The following BFAR variants were observed in gnomAD, a reference collection of about 807,000 sequenced individuals.
The protein encoded by BFAR is bifunctional apoptosis regulator, also known as RING finger protein 47.
A neutral mutation model predicts 54.4 loss-of-function variants in BFAR; 52 were observed. That is an observed-to-expected ratio of 0.96 (90% CI 0.77 to 1.21). BFAR has a LOEUF of 1.21. Ranked by LOEUF, BFAR falls within the 50% of genes most tolerant of loss-of-function variation. The pLI, the probability that BFAR is intolerant of heterozygous loss-of-function variation, is 0.00. For synonymous variants in BFAR, 215 were observed against 204.3 expected (o/e 1.05, Z -0.45); for missense variants, 571 against 534.0 (o/e 1.07, Z -0.68).
At chr16:14,665,125 G>A (rs1960407815) in intron 7 of BFAR, 54 bp downstream of exon 7, 4 of 1,468,822 alleles carry the variant, frequency 2.7e-6, no homozygotes, top group Non-Finnish European at 3.8e-6. Flanking sequence ...AATACCAAGT[G>A]AGAGAAAGAT....
chr16:14,652,363 C>G (rs868211719), intron 4 of BFAR, among the ~76,000 whole-genome samples: 104 of 152,054 alleles, frequency 6.8e-4, no homozygotes, highest in Middle Eastern at 6.8e-3. Context: ...TCACTGCAAC[C>G]TCCACCTCCC....
chr16:14,638,143 G>A (rs1959510530), intron 1 of BFAR, among the ~76,000 whole-genome samples: 1 of 152,130 alleles, frequency 6.6e-6, no homozygotes, highest in South Asian at 2.1e-4. Context: ...AGCCCTTTGG[G>A]AAGCTGAGAC....
At chr16:14,648,617 G>C (rs1567488642) in intron 3 of BFAR, 25 bp downstream of exon 3, 2 of 1,582,910 alleles carry the variant, frequency 1.3e-6, no homozygotes, top group East Asian at 2.2e-5. Context: ...GTGTTCCTCT[G>C]TGCCCCCCCA....
At chr16:14,637,479 A>G (rs985126266) in intron 1 of BFAR, among the ~76,000 whole-genome samples, 5 of 152,134 alleles carry the variant, frequency 3.3e-5, no homozygotes, top group African/African-American at 9.7e-5. Context: ...TAAAATGAAC[A>G]TGGTAGTAAT....
chr16:14,655,576 G>A (rs1960107849), intron 5 of BFAR, among the ~76,000 whole-genome samples: 1 of 151,274 alleles, frequency 6.6e-6, no homozygotes, highest in African/African-American at 2.4e-5. Flanking sequence ...TGGGATTACA[G>A]GCACACGCCA....
chr16:14,667,804 C>T lies in BFAR; in HGVS notation c.1330C>T (p.Arg444Trp), dbSNP rs1419284857. The change falls in exon 8 of 8, where the codon CGG becomes TGG. Residue 444 changes from arginine to tryptophan, a missense_variant. Transcript: ENST00000261658. ...NIDLVVKELR[R>W]LETQVL is the part of the protein sequence containing the mutation. ...TGATCTTGTGGTCAAGGAACTCCGGCGGCTGGAAACCCAGGTGTTGTGACT... is the reference window on the plus strand; with the variant it reads ...TGATCTTGTGGTCAAGGAACTCCGGTGGCTGGAAACCCAGGTGTTGTGACT... The T allele has an allele frequency of 4.3e-6, 7 of 1,614,140 alleles. No individual in the cohort carries two copies. The highest frequency in any genetic ancestry group is 3.3e-5 in the Admixed American group (2 of 60,012).
At chr16:14,656,777 G>A (rs534234674) in intron 5 of BFAR, among the ~76,000 whole-genome samples, 14 of 152,234 alleles carry the variant, frequency 9.2e-5, no homozygotes, top group East Asian at 5.8e-4. Flanking sequence ...GGCAGCCACC[G>A]GAAAAGGAGA....
chr16:14,668,982 A>G lies in BFAR; in HGVS notation c.*1155A>G, dbSNP rs1960521578. The stretch of plus-strand genomic sequence containing the variant: ...AGCAGGTATAATTACACCAAGCGCT[A>G]TAGTTATAAATATGGCATGAAGTGA... On this transcript the variant is annotated 3_prime_UTR_variant, in exon 8 of 8. Transcript: ENST00000261658. The G allele has an allele frequency of 6.8e-6, 3 of 441,408 alleles. No individual in the cohort carries two copies. Among genetic ancestry groups the G allele is most frequent in the Non-Finnish European group, 9.1e-6 (2 of 219,134 alleles). 27.3% of individuals were successfully genotyped at this position (441,408 alleles called of 1,614,324 possible).
At position 14,667,987 on chromosome 16, in the gene BFAR, G is replaced by C; in HGVS notation, c.*160G>C. ...CTCCAACCATGTCCTCTCCCCCTCA[G>C]CCTGTGGGTGGCACGAGCAAGGACT... is the stretch of plus-strand genomic sequence containing the variant. On this transcript the variant is annotated 3_prime_UTR_variant, in exon 8 of 8. Transcript: ENST00000261658. The C allele has an allele frequency of 2.7e-6, 2 of 730,928 alleles. No homozygotes were observed. The highest frequency in any genetic ancestry group is 4.0e-4 in the Middle Eastern group (1 of 2,510). The allele number at this position is 730,928 out of a possible 1,614,324, so 45.3% of individuals were successfully genotyped here.
Position 14,644,326 on chromosome 16 carries a change from G to A in BFAR, c.-21G>A, listed in dbSNP as rs764117077. 10 of 1,606,864 alleles carry A rather than the reference G, an allele frequency of 6.2e-6. No homozygotes were observed. The highest frequency in any genetic ancestry group is 1.7e-5 in the Admixed American group (1 of 59,644). The stretch of plus-strand genomic sequence containing the variant: ...ACGTCTGAAATTTTTTATGTCTCTG[G>A]AACCCAGAATTTGCTAAGAGATGGA... On this transcript the variant is annotated 5_prime_UTR_variant, in exon 2 of 8. Coordinates refer to ENST00000261658, the MANE Select transcript of BFAR (RefSeq NM_016561.3).
intron 1 of BFAR, 67 bp downstream of exon 1, chr16:14,633,085 G>A (rs1242483831): frequency 6.6e-6 from 1 of 152,402 alleles, no homozygotes; most frequent in Non-Finnish European, 1.5e-5. Flanking sequence ...GAGTGATGTG[G>A]AAGACGGAGC....
intron 5 of BFAR, among the ~76,000 whole-genome samples, chr16:14,659,292 A>C (rs1206814517): frequency 2.7e-5 from 4 of 147,744 alleles, no homozygotes. Context: ...TCCAGGATGG[A>C]GTGCAGTGGC....
rs904625491 is a variant in BFAR, at chr16:14,667,736, G to A, written c.1262G>A (p.Cys421Tyr). The A allele has an allele frequency of 8.7e-6, 14 of 1,613,924 alleles. No individual in the cohort carries two copies. The highest frequency in any genetic ancestry group is 1.2e-5 in the Non-Finnish European group (14 of 1,179,928). Residue 421 changes from cysteine to tyrosine, a missense_variant, in exon 8 of 8, where the codon TGT becomes TAT. Coordinates refer to ENST00000261658, the MANE Select transcript of BFAR (RefSeq NM_016561.3). ...CTCATCCCTCAGTTTGTTTGCAACT[G>A]TTTGTTTTACTGGGCCCTGTACTTT... is the stretch of plus-strand genomic sequence containing the variant. ...WPLIPQFVCN[C>Y]LFYWALYFNP...
intron 1 of BFAR, among the ~76,000 whole-genome samples, chr16:14,640,365 C>G (rs575115370): frequency 2.0e-5 from 3 of 152,208 alleles, no homozygotes; most frequent in Admixed American, 2.0e-4. Flanking sequence ...AGGAGTGTAG[C>G]AAGCTGACGC....
At chr16:14,648,271 T>A in intron 2 of BFAR, 117 bp from the exon 3 acceptor site, 1 of 755,224 alleles carries the variant, frequency 1.3e-6, no homozygotes, top group South Asian at 1.8e-5. Flanking sequence ...ACATTTCTTG[T>A]CAGTTCTCCT....
At chr16:14,644,071 G>A (rs1003554937) in intron 1 of BFAR, among the ~76,000 whole-genome samples, 11 of 151,238 alleles carry the variant, frequency 7.3e-5, no homozygotes, top group African/African-American at 2.4e-4. Context: ...GCTGAGGCAG[G>A]AGAATTGCTT....
intron 2 of BFAR, among the ~76,000 whole-genome samples, chr16:14,647,979 C>A (rs1959850694): frequency 6.6e-6 from 1 of 152,122 alleles, no homozygotes. Context: ...GTGGCTCATG[C>A]CTCTAATCTT....
At chr16:14,659,151 C>G (rs981883110) in intron 5 of BFAR, among the ~76,000 whole-genome samples, 1 of 151,950 alleles carries the variant, frequency 6.6e-6, no homozygotes, top group Non-Finnish European at 1.5e-5. Context: ...TCAGGTGATC[C>G]ACCCGCCTCA....
At chr16:14,641,794 G>GGA (rs1959636386) in intron 1 of BFAR, among the ~76,000 whole-genome samples, 1 of 152,154 alleles carries the variant, frequency 6.6e-6, no homozygotes, top group African/African-American at 2.4e-5. Context: ...CCCAGGAGGT[G>GGA]GAGATTGCAG....
Sources: allele counts gnomAD v4.1 joint callset (sites outside exome capture counted in the v4.1 genomes callset), GRCh38; gene constraint gnomAD v4.1.1; transcripts MANE v1.5; gene names NCBI Gene and HGNC (gene_info 2026-07-23, HGNC 2026-07-21).